The following LRRTM4 variants were observed in gnomAD, a reference collection of about 807,000 sequenced individuals.
The protein encoded by LRRTM4 is leucine rich repeat transmembrane neuronal 4, also known as leucine-rich repeat transmembrane neuronal protein 4.
Under a neutral mutation model 47.6 loss-of-function variants are expected in LRRTM4, and 25 were observed. The ratio of observed to expected loss-of-function variants is 0.53; its 90% CI spans 0.38 to 0.73. LRRTM4 has a LOEUF of 0.73. Among genes scored for constraint, LRRTM4 ranks in the 30% least tolerant of loss-of-function variants. The pLI is 0.00. For synonymous variants in LRRTM4, 311 were observed against 269.5 expected, an observed-to-expected ratio of 1.15 and a Z score of -1.51; for missense variants, 638 against 713.4, an observed-to-expected ratio of 0.89 and a Z score of 1.20.
At chr2:76,808,740 T>C (rs1249910579) in intron 3 of LRRTM4, among the ~76,000 whole-genome samples, 1 of 152,198 alleles carries the variant, frequency 6.6e-6, no homozygotes, top group East Asian at 1.9e-4. Flanking sequence ...AGGTGGAATG[T>C]TGTCTGGCCA....
intron 3 of LRRTM4, among the ~76,000 whole-genome samples, chr2:76,972,774 A>G (rs1282606572): frequency 6.6e-6 from 1 of 152,050 alleles, no homozygotes; most frequent in African/African-American, 2.4e-5. Flanking sequence ...AAACACATCC[A>G]TAAATAAAAC....
At chr2:77,006,380 G>A (rs1027487381) in intron 3 of LRRTM4, among the ~76,000 whole-genome samples, 1 of 152,102 alleles carries the variant, frequency 6.6e-6, no homozygotes, top group Middle Eastern at 3.2e-3. Flanking sequence ...GATGTTCCCT[G>A]TGCTATGGTG....
At chr2:77,098,506 A>G (rs1670868213) in intron 3 of LRRTM4, among the ~76,000 whole-genome samples, 1 of 152,056 alleles carries the variant, frequency 6.6e-6, no homozygotes, top group Non-Finnish European at 1.5e-5. Flanking sequence ...TTATAGTTGT[A>G]GTTAAAAACC....
chr2:76,808,150 A>G (rs1670612779), intron 3 of LRRTM4, among the ~76,000 whole-genome samples: 1 of 151,474 alleles, frequency 6.6e-6, no homozygotes, highest in African/African-American at 2.4e-5. Context: ...CTTACTCAGT[A>G]GCAGGGATTA....
intron 3 of LRRTM4, among the ~76,000 whole-genome samples, chr2:77,118,140 T>C (rs777259263): frequency 7.2e-5 from 11 of 151,914 alleles, no homozygotes; most frequent in Admixed American, 3.3e-4. Context: ...AGAGCTTTTG[T>C]CAAATGCTGT....
chr2:77,161,895 G>T (rs111949224), intron 3 of LRRTM4, among the ~76,000 whole-genome samples: 3 of 152,132 alleles, frequency 2.0e-5, no homozygotes, highest in Non-Finnish European at 2.9e-5. Flanking sequence ...CCAATTAAGA[G>T]TTCTTCATGG....
At chr2:77,060,483 C>A (rs1339999923) in intron 3 of LRRTM4, among the ~76,000 whole-genome samples, 1 of 151,936 alleles carries the variant, frequency 6.6e-6, no homozygotes, top group African/African-American at 2.4e-5. Context: ...AAATATTAAT[C>A]TAAGATAATA....
chr2:77,384,620 A>T (rs1298357553), intron 3 of LRRTM4, among the ~76,000 whole-genome samples: 3 of 152,054 alleles, frequency 2.0e-5, no homozygotes, highest in African/African-American at 4.8e-5. Flanking sequence ...AAACTGAAAG[A>T]TCATTGAAAA....
intron 3 of LRRTM4, among the ~76,000 whole-genome samples, chr2:77,139,136 G>A (rs373679021): frequency 1.9e-4 from 29 of 152,034 alleles, no homozygotes; most frequent in East Asian, 1.7e-3. Context: ...GGCCAGCATC[G>A]TCCTGATACC....
intron 3 of LRRTM4, among the ~76,000 whole-genome samples, chr2:76,957,853 GAAT>G (rs1007162380): frequency 2.0e-5 from 3 of 151,550 alleles, no homozygotes; most frequent in Admixed American, 6.6e-5. Flanking sequence ...GATATGGTTT[GAAT>G]AATTCTGCCA....
At chr2:76,849,079 T>A (rs1296841479) in intron 3 of LRRTM4, among the ~76,000 whole-genome samples, 1 of 152,112 alleles carries the variant, frequency 6.6e-6, no homozygotes, top group Non-Finnish European at 1.5e-5. Flanking sequence ...TTATATTAAG[T>A]GTCCCCTGAA....
At chr2:77,455,329 A>G (rs1676489661) in intron 3 of LRRTM4, among the ~76,000 whole-genome samples, 1 of 152,188 alleles carries the variant, frequency 6.6e-6, no homozygotes, top group Non-Finnish European at 1.5e-5. Context: ...GAGTATCTCA[A>G]TATCTATTTC....
chr2:77,117,896 G>A (rs541491441), intron 3 of LRRTM4, among the ~76,000 whole-genome samples: 1 of 151,896 alleles, frequency 6.6e-6, no homozygotes, highest in Non-Finnish European at 1.5e-5. Flanking sequence ...CCTGCTGTTT[G>A]AGGAGATGGA....
chr2:76,887,928 A>G (rs992981982), intron 3 of LRRTM4, among the ~76,000 whole-genome samples: 4 of 151,120 alleles, frequency 2.6e-5, no homozygotes, highest in Admixed American at 6.6e-5. Flanking sequence ...TGAATGGTTA[A>G]AAGTATATGC....
chr2:77,281,345 T>G (rs1676502046), intron 3 of LRRTM4, among the ~76,000 whole-genome samples: 1 of 151,978 alleles, frequency 6.6e-6, no homozygotes, highest in Admixed American at 6.6e-5. Context: ...GCCTAGAATA[T>G]AACAGTGTTT....
At chr2:77,419,326 C>T (rs11675918) in intron 3 of LRRTM4, among the ~76,000 whole-genome samples, 17,726 of 152,176 alleles carry the variant, frequency 0.12, 1,246 homozygotes, top group East Asian at 0.26. Flanking sequence ...ATGTGTTATA[C>T]ATTTGTCCCT....
chr2:77,003,526 A>G (rs1215282418), intron 3 of LRRTM4, among the ~76,000 whole-genome samples: 2 of 152,084 alleles, frequency 1.3e-5, no homozygotes, highest in African/African-American at 4.8e-5. Context: ...GTTTCCCTGT[A>G]TATCACCTTT....
intron 3 of LRRTM4, among the ~76,000 whole-genome samples, chr2:76,804,758 A>T (rs1363028588): frequency 6.7e-6 from 1 of 148,280 alleles, no homozygotes; most frequent in East Asian, 2.0e-4. Context: ...TCATTGTTTT[A>T]TAACAATATA....
intron 3 of LRRTM4, among the ~76,000 whole-genome samples, chr2:76,938,653 G>A (rs917780085): frequency 6.6e-6 from 1 of 152,090 alleles, no homozygotes; most frequent in Admixed American, 6.5e-5. Context: ...ATTTGAAAAA[G>A]TTTAGATATA....
Sources: allele counts gnomAD v4.1 joint callset (sites outside exome capture counted in the v4.1 genomes callset), GRCh38; gene constraint gnomAD v4.1.1; transcripts MANE v1.5; gene names NCBI Gene and HGNC (gene_info 2026-07-23, HGNC 2026-07-21).